The following WWC2 variants were observed in gnomAD, a reference collection of about 807,000 sequenced individuals.
WWC2 encodes the protein protein WWC2.
In WWC2, 101 loss-of-function variants were observed where a neutral mutation model predicts 138.5. The ratio of observed to expected loss-of-function variants is 0.73; its 90% CI spans 0.62 to 0.86. The LOEUF (loss-of-function observed/expected upper bound fraction) is 0.86. Among genes scored for constraint, WWC2 ranks in the 40% least tolerant of loss-of-function variants. The pLI, the probability that WWC2 is intolerant of heterozygous loss-of-function variation, is 0.00. For synonymous variants in WWC2, 558 were observed against 538.4 expected (o/e 1.04, Z -0.50); for missense variants, 1,420 against 1,419.4 (o/e 1.00, Z -0.01).
chr4:183,163,870 T>C (rs954173303), intron 1 of WWC2, among the ~76,000 whole-genome samples: 20 of 152,164 alleles, frequency 1.3e-4, no homozygotes, highest in Admixed American at 1.2e-3. Context: ...TAGAATTGAA[T>C]CATCAAATAA....
At chr4:183,137,776 G>C (rs563117361) in intron 1 of WWC2, among the ~76,000 whole-genome samples, 3 of 152,330 alleles carry the variant, frequency 2.0e-5, no homozygotes, top group African/African-American at 7.2e-5. Context: ...TGGGTTTACA[G>C]GTGTGAGCCA....
chr4:183,102,838 G>A (rs1017973130), intron 1 of WWC2, among the ~76,000 whole-genome samples: 2 of 150,470 alleles, frequency 1.3e-5, no homozygotes, highest in African/African-American at 4.9e-5. Flanking sequence ...GTTTATGGTA[G>A]GCCATAGGTC....
intron 1 of WWC2, among the ~76,000 whole-genome samples, chr4:183,126,745 A>AT (rs1561426380): frequency 2.0e-5 from 3 of 151,386 alleles, no homozygotes. Flanking sequence ...ATTTTATTTT[A>AT]TTTATTTATT....
intron 21 of WWC2, among the ~76,000 whole-genome samples, chr4:183,309,434 A>G (rs1054660527): frequency 1.3e-5 from 2 of 152,250 alleles, no homozygotes; most frequent in African/African-American, 4.8e-5. Flanking sequence ...ACCTGAACAG[A>G]CACCTAACCA....
intron 5 of WWC2, among the ~76,000 whole-genome samples, chr4:183,242,062 T>C (rs1736640500): frequency 6.6e-6 from 1 of 152,218 alleles, no homozygotes; most frequent in African/African-American, 2.4e-5. Flanking sequence ...GGCATTCTCT[T>C]GGAATGATTC....
At chr4:183,281,143 A>G (rs969383404) in intron 17 of WWC2, 2 of 464,310 alleles carry the variant, frequency 4.3e-6, no homozygotes, top group Non-Finnish European at 3.6e-6. Flanking sequence ...TTAAAACACT[A>G]TTTTCTGAGC....
chr4:183,315,900 C>A lies in WWC2; in HGVS notation c.*171C>A, dbSNP rs968220608. On this transcript the variant is annotated 3_prime_UTR_variant, in exon 23 of 23. Coordinates refer to ENST00000403733, the MANE Select transcript of WWC2 (RefSeq NM_024949.6). ...TTTCAACACATTAATTTGTAAAGTA[C>A]CTTGAGTGTAATTTTTATATGCTTA... is the stretch of plus-strand genomic sequence containing the variant. The A allele has an allele frequency of 1.8e-6, 1 of 541,026 alleles. No homozygotes were observed. Among genetic ancestry groups the A allele is most frequent in the Non-Finnish European group, 3.3e-6 (1 of 306,672 alleles). 33.5% of individuals were successfully genotyped at this position (541,026 alleles called of 1,614,324 possible).
In WWC2 at chr4:183,259,540, C is replaced by A. The variant is rs965978933; in HGVS notation, c.1197-99C>A. 5.3e-6 allele frequency: 5 copies of A among 947,444 alleles called. No homozygotes were observed. The African/African-American group carries it at 8.4e-5, about 16-fold the overall frequency. 58.7% of individuals were successfully genotyped at this position (947,444 alleles called of 1,614,324 possible). A position where few individuals can be genotyped will look rare whatever the true frequency, so the allele number is the denominator to read the frequency against. Reference sequence around the variant, plus strand: ...GTCTGTGGAGCCCATTCACATTTTTCCCTTGTGATCTGTAATGTTTGTACA... The same window carrying A: ...GTCTGTGGAGCCCATTCACATTTTTACCTTGTGATCTGTAATGTTTGTACA... On this transcript the variant is annotated intron_variant, in intron 9 of 22. Transcript: ENST00000403733.
chr4:183,269,119 G>GT lies in WWC2; in HGVS notation c.2357dup (p.Asp787ArgfsTer7), dbSNP rs1737612659. 1 of 1,613,658 alleles carries GT rather than the reference G, an allele frequency of 6.2e-7. No individual in the cohort carries two copies. Among genetic ancestry groups the GT allele is most frequent in the Non-Finnish European group, 8.5e-7 (1 of 1,179,864 alleles). On this transcript the variant is annotated frameshift_variant, in exon 15 of 23. Transcript: ENST00000403733. LOFTEE classifies it high-confidence loss of function. ...AGCCTTACAACAGAAGACACTGAGG[G>GT]TAGACCTTTGCTCTGTCAGTAAACA...
At chr4:183,305,069 T>C (rs1389091357) in intron 21 of WWC2, among the ~76,000 whole-genome samples, 1 of 151,940 alleles carries the variant, frequency 6.6e-6, no homozygotes, top group Non-Finnish European at 1.5e-5. Context: ...TAAGCAAGAA[T>C]CAAAAAGAAG....
intron 1 of WWC2, among the ~76,000 whole-genome samples, chr4:183,171,786 A>G (rs1734291744): frequency 6.6e-6 from 1 of 152,180 alleles, no homozygotes; most frequent in Non-Finnish European, 1.5e-5. Flanking sequence ...GTGTTTTTAA[A>G]TAACTTTATC....
chr4:183,114,667 C>T (rs1044990325), intron 1 of WWC2, among the ~76,000 whole-genome samples: 4 of 118,866 alleles, frequency 3.4e-5, no homozygotes, highest in African/African-American at 1.5e-4. Context: ...CTGGAACATA[C>T]CTTTTTTTTT....
intron 2 of WWC2, among the ~76,000 whole-genome samples, chr4:183,198,789 TAAAAAAAAAA>T (rs56182831): frequency 5.5e-5 from 4 of 72,344 alleles, no homozygotes; most frequent in African/African-American, 1.2e-4. Flanking sequence ...CTCGTCTCTT[TAAAAAAAAAA>T]AAAAAAAAAA....
chr4:183,245,841 C>G (rs1736760015), intron 6 of WWC2, among the ~76,000 whole-genome samples: 1 of 152,174 alleles, frequency 6.6e-6, no homozygotes, highest in Admixed American at 6.5e-5. Flanking sequence ...TCTTGGTGCA[C>G]CCTGAAACTC....
chr4:183,116,685 T>A (rs908086905), intron 1 of WWC2, among the ~76,000 whole-genome samples: 3 of 152,252 alleles, frequency 2.0e-5, no homozygotes, highest in African/African-American at 7.2e-5. Context: ...ACACATAATC[T>A]TCCAGTGCTT....
rs1251086450 is a variant in WWC2, at chr4:183,316,850, G to T, written c.*1121G>T. 1 of 151,964 alleles carries T rather than the reference G, an allele frequency of 6.6e-6. No individual in the cohort carries two copies. Among genetic ancestry groups the T allele is most frequent in the Non-Finnish European group, 1.5e-5 (1 of 67,990 alleles). 9.4% of individuals were successfully genotyped at this position (151,964 alleles called of 1,614,324 possible). On this transcript the variant is annotated 3_prime_UTR_variant, in exon 23 of 23. Transcript: ENST00000403733. ...GGCAAAGGGAAGAATGTGTGTGGGGGGATTATTAATTTGAAGTATAAGCTA... is the reference window on the plus strand; with the variant it reads ...GGCAAAGGGAAGAATGTGTGTGGGGTGATTATTAATTTGAAGTATAAGCTA...
chr4:183,220,126 A>G (rs186692618), intron 4 of WWC2, among the ~76,000 whole-genome samples: 9 of 152,318 alleles, frequency 5.9e-5, no homozygotes, highest in Admixed American at 4.6e-4. Flanking sequence ...AAGGAATACA[A>G]GTCTCAGTCC....
At chr4:183,183,342 C>T (rs1320027710) in intron 1 of WWC2, among the ~76,000 whole-genome samples, 2 of 151,882 alleles carry the variant, frequency 1.3e-5, no homozygotes, top group African/African-American at 4.8e-5. Context: ...GTCTCCCTTC[C>T]CCCACCTGGA....
intron 21 of WWC2, among the ~76,000 whole-genome samples, chr4:183,307,616 T>C (rs1474113121): frequency 6.6e-6 from 1 of 152,230 alleles, no homozygotes; most frequent in African/African-American, 2.4e-5. Flanking sequence ...TTATCCCAGG[T>C]GTGCAAGGCT....
Sources: allele counts gnomAD v4.1 joint callset (sites outside exome capture counted in the v4.1 genomes callset), GRCh38; gene constraint gnomAD v4.1.1; transcripts MANE v1.5; gene names NCBI Gene and HGNC (gene_info 2026-07-23, HGNC 2026-07-21).